Variants in LRCH1 observed in about 807,000 individuals in gnomAD.
LRCH1 encodes the protein leucine rich repeats and calponin homology domain containing 1, also known as leucine-rich repeat and calponin homology domain-containing protein 1.
LRCH1 carries 23 observed loss-of-function variants against 94.9 expected under a neutral mutation model. The ratio of observed to expected loss-of-function variants is 0.24; its 90% confidence interval spans 0.17 to 0.34. The LOEUF is 0.34. Among genes scored for constraint, LRCH1 ranks in the 10% least tolerant of loss-of-function variants. The pLI, the probability that LRCH1 is intolerant of heterozygous loss-of-function variation, is 1.00. For missense variants in LRCH1, 790 were observed against 945.9 expected (o/e 0.84, Z 2.16); for synonymous variants, 364 against 354.9 (o/e 1.03, Z -0.29).
At chr13:46,701,635 T>C (rs192458584) in intron 11 of LRCH1, among the ~76,000 whole-genome samples, 1 of 152,358 alleles carries the variant, frequency 6.6e-6, no homozygotes, top group African/African-American at 2.4e-5. Flanking sequence ...CAAATATATG[T>C]TAACTGAAGA....
chr13:46,730,403 G>T (rs12872545), intron 18 of LRCH1, among the ~76,000 whole-genome samples: 27,043 of 152,044 alleles, frequency 0.18, 2,793 homozygotes, highest in East Asian at 0.44. Flanking sequence ...TAAAATCTCA[G>T]AGCCCAGTGT....
chr13:46,582,661 T>TGTTTTG (rs2050385258), intron 1 of LRCH1, among the ~76,000 whole-genome samples: 1 of 107,148 alleles, frequency 9.3e-6, no homozygotes, highest in African/African-American at 3.4e-5. Flanking sequence ...TTTTTTTTTT[T>TGTTTTG]TTTTTTTTTT....
rs758515948 is a variant in LRCH1 at position 46,728,946 on chromosome 13, C to T, written c.1969C>T (p.Arg657Trp). 9 of 1,613,392 alleles carry T rather than the reference C, an allele frequency of 5.6e-6. No homozygotes were observed. The highest frequency in any genetic ancestry group is 2.2e-5 in the East Asian group (1 of 44,850). The stretch of plus-strand genomic sequence containing the variant: ...CCATCTGGTCAACCACATCCGCCCA[C>T]GGTCGGTTGCAAGCATCCATGTCCC... ...LCHLVNHIRP[R>W]SVASIHVPSP... is the part of the protein sequence containing the mutation. Residue 657 changes from arginine (R) to tryptophan (W), a missense_variant, in exon 18 of 20, where the codon CGG becomes TGG. Arg to Trp is a moderately radical substitution (Grantham distance 101). Coordinates refer to ENST00000389797, the MANE Select transcript of LRCH1 (RefSeq NM_001164211.2).
chr13:46,736,646 T>C (rs1873400016), intron 19 of LRCH1, among the ~76,000 whole-genome samples: 1 of 152,234 alleles, frequency 6.6e-6, no homozygotes, highest in Admixed American at 6.5e-5. Context: ...TCTTGTTGCA[T>C]CAAGCTTAAT....
At chr13:46,671,394 A>G (rs2051599456) in intron 3 of LRCH1, among the ~76,000 whole-genome samples, 1 of 152,192 alleles carries the variant, frequency 6.6e-6, no homozygotes, top group South Asian at 2.1e-4. Flanking sequence ...GTTGCATCCC[A>G]GGTGCCTGGC....
intron 2 of LRCH1, among the ~76,000 whole-genome samples, chr13:46,664,901 C>T (rs1306897710): frequency 1.3e-5 from 2 of 152,116 alleles, no homozygotes; most frequent in Non-Finnish European, 2.9e-5. Context: ...CTTAAAATTT[C>T]ACAACAGGTG....
intron 1 of LRCH1, among the ~76,000 whole-genome samples, chr13:46,621,026 C>T (rs1026978649): frequency 1.3e-5 from 2 of 152,186 alleles, no homozygotes; most frequent in African/African-American, 4.8e-5. Context: ...TGGCCTCCTC[C>T]TAGAAGACCC....
At chr13:46,581,915 CA>C (rs1279758723) in intron 1 of LRCH1, among the ~76,000 whole-genome samples, 3 of 151,976 alleles carry the variant, frequency 2.0e-5, no homozygotes, top group African/African-American at 7.3e-5. Flanking sequence ...TTTGGGAGGC[CA>C]AGGTGGGTGG....
At chr13:46,640,985 A>G (rs373609184) in intron 1 of LRCH1, among the ~76,000 whole-genome samples, 2 of 152,206 alleles carry the variant, frequency 1.3e-5, no homozygotes, top group Admixed American at 6.5e-5. Context: ...ATTTCTGCCT[A>G]TTTAACCCTG....
chr13:46,681,624 A>T, intron 3 of LRCH1, 117 bp from the exon 4 acceptor site: 1 of 729,098 alleles, frequency 1.4e-6, no homozygotes, highest in Non-Finnish European at 2.5e-6. Flanking sequence ...GGAGATGAAT[A>T]TAAAAGTGTA....
intron 1 of LRCH1, among the ~76,000 whole-genome samples, chr13:46,564,492 C>A (rs950065527): frequency 6.6e-6 from 1 of 152,162 alleles, no homozygotes; most frequent in African/African-American, 2.4e-5. Context: ...CTGGCCATTC[C>A]GGCCAGGGGT....
chr13:46,652,221 C>G (rs1263673921), intron 2 of LRCH1, among the ~76,000 whole-genome samples: 1 of 152,066 alleles, frequency 6.6e-6, no homozygotes, highest in East Asian at 1.9e-4. Flanking sequence ...GGACTACAGG[C>G]GCCCGCCACC....
Position 46,741,640 on chromosome 13 carries a change from AG to A in LRCH1, c.2086del. 1 of 1,614,106 alleles carries A rather than the reference AG, an allele frequency of 6.2e-7. No individual in the cohort carries two copies. Among genetic ancestry groups the A allele is most frequent in the Non-Finnish European group, 8.5e-7 (1 of 1,179,974 alleles). ...CTGTTCTAATGGCTGCCCTCGGAAT[AG>A]GCTGACCTCTGCTCTCCGTGTGACA... On this transcript the variant is annotated splice_acceptor_variant, in intron 19 of 19. Transcript: ENST00000389797. LOFTEE classifies it high-confidence loss of function.
chr13:46,688,064 T>C, intron 6 of LRCH1, 85 bp downstream of exon 6: 1 of 1,362,174 alleles, frequency 7.3e-7, no homozygotes, highest in East Asian at 2.5e-5. Context: ...AATCTGTTTG[T>C]TTTAAGTCAC....
chr13:46,700,045 A>G (rs1373341312), intron 10 of LRCH1, among the ~76,000 whole-genome samples: 3 of 152,198 alleles, frequency 2.0e-5, no homozygotes, highest in African/African-American at 4.8e-5. Flanking sequence ...CAGACAGATA[A>G]TCCTTCTACT....
chr13:46,595,940 A>G (rs1341227111), intron 1 of LRCH1, among the ~76,000 whole-genome samples: 2 of 151,690 alleles, frequency 1.3e-5, no homozygotes, highest in African/African-American at 4.8e-5. Context: ...AATGGCAGCT[A>G]TGTCTTTAAA....
rs1163164676 is a variant in LRCH1 at position 46,687,798 on chromosome 13, AC to A, written c.823-53del. 49 of 1,501,298 alleles carry A rather than the reference AC, an allele frequency of 3.3e-5. No individual in the cohort carries two copies. The Middle Eastern group carries it at 8.7e-4, about 27-fold the overall frequency. The allele number at this position is 1,501,298 out of a possible 1,614,324, so 93.0% of individuals were successfully genotyped here. A position where few individuals can be genotyped will look rare whatever the true frequency, so the allele number is the denominator to read the frequency against. ...TATACAGAGTAAGGATTTGATACTT[AC>A]ATTTTGTTTTGTCATTGAAAAATGA... is the stretch of plus-strand genomic sequence containing the variant. On this transcript the variant is annotated intron_variant, in intron 5 of 19. Coordinates refer to ENST00000389797, the MANE Select transcript of LRCH1 (RefSeq NM_001164211.2).
intron 19 of LRCH1, among the ~76,000 whole-genome samples, chr13:46,737,956 G>C (rs1873466740): frequency 6.6e-6 from 1 of 152,070 alleles, no homozygotes; most frequent in Non-Finnish European, 1.5e-5. Context: ...GGTTCACCAG[G>C]GAAATTTTTC....
intron 13 of LRCH1, 65 bp downstream of exon 13, chr13:46,705,369 C>T (rs768260793): frequency 1.1e-5 from 15 of 1,327,562 alleles, no homozygotes; most frequent in Non-Finnish European, 1.5e-5. Flanking sequence ...CTGGCCACCA[C>T]ATTCTGTAAA....
Sources: allele counts gnomAD v4.1 joint callset (sites outside exome capture counted in the v4.1 genomes callset), GRCh38; gene constraint gnomAD v4.1.1; transcripts MANE v1.5; gene names NCBI Gene and HGNC (gene_info 2026-07-23, HGNC 2026-07-21).